The following SLC31A1 variants were observed in gnomAD, a reference collection of about 807,000 sequenced individuals.
The protein encoded by SLC31A1 is solute carrier family 31 member 1.
SLC31A1 carries 5 observed loss-of-function variants against 17.2 expected under a neutral mutation model. The ratio of observed to expected loss-of-function variants is 0.29; its 90% CI spans 0.15 to 0.61. The LOEUF is 0.61. Among genes scored for constraint, SLC31A1 ranks in the 20% least tolerant of loss-of-function variants. The pLI is 0.86. For missense variants in SLC31A1, 161 were observed against 241.4 expected (o/e 0.67, Z 2.21); for synonymous variants, 76 against 78.8 (o/e 0.96, Z 0.19).
Position 113,253,958 on chromosome 9 carries a change from C to CTT in SLC31A1, c.-35-2138_-35-2137dup, listed in dbSNP as rs397967653. Among the ~76,000 whole-genome samples the CTT allele has an allele frequency of 6.7e-4, 74 of 110,394 alleles. 2 individuals carry two copies. The highest frequency in any genetic ancestry group is 1.9e-3 in the South Asian group (6 of 3,240). The allele number at this position is 110,394 out of a possible 152,430, so 72.4% of individuals were successfully genotyped here. A position where few individuals can be genotyped will look rare whatever the true frequency, so the allele number is the denominator to read the frequency against. ...TCTATATAAATTTCCTACCCACAGT[C>CTT]TTTTTTTTTTTTTTTTTTTGAGATA... On this transcript the variant is annotated intron_variant, in intron 1 of 4. Coordinates refer to ENST00000374212, the MANE Select transcript of SLC31A1 (RefSeq NM_001859.4).
At chr9:113,239,780 C>T (rs1295804631) in intron 1 of SLC31A1, among the ~76,000 whole-genome samples, 3 of 152,358 alleles carry the variant, frequency 2.0e-5, no homozygotes, top group Non-Finnish European at 4.4e-5. Context: ...GATGGGGTTT[C>T]ACCCCGTTGG....
At chr9:113,226,135 CAA>C (rs34302331) in intron 1 of SLC31A1, among the ~76,000 whole-genome samples, 10,352 of 119,880 alleles carry the variant, frequency 0.086, 415 homozygotes, top group African/African-American at 0.13. Flanking sequence ...GACTCCATCT[CAA>C]AAAAAAAAAA....
At chr9:113,249,351 T>C (rs1482841690) in intron 1 of SLC31A1, among the ~76,000 whole-genome samples, 3 of 150,638 alleles carry the variant, frequency 2.0e-5, no homozygotes, top group Non-Finnish European at 3.0e-5. Flanking sequence ...TTCTAATCTT[T>C]CTTTGTTTTT....
chr9:113,247,811 T>C (rs916244684), intron 1 of SLC31A1, among the ~76,000 whole-genome samples: 1 of 152,140 alleles, frequency 6.6e-6, no homozygotes, highest in Non-Finnish European at 1.5e-5. Context: ...TTCCTATATT[T>C]AATAGCATTC....
chr9:113,251,401 G>A (rs964516681), intron 1 of SLC31A1, among the ~76,000 whole-genome samples: 1 of 151,804 alleles, frequency 6.6e-6, no homozygotes, highest in Non-Finnish European at 1.5e-5. Flanking sequence ...TAGCCTGGGT[G>A]ACAGAGTGAG....
intron 2 of SLC31A1, chr9:113,256,604 G>A (rs1004800385): frequency 2.1e-5 from 6 of 280,852 alleles, no homozygotes; most frequent in Non-Finnish European, 4.1e-5. Context: ...GCTCATGCCT[G>A]TAATCCCAAC....
intron 1 of SLC31A1, among the ~76,000 whole-genome samples, chr9:113,241,216 T>C (rs1284638344): frequency 6.6e-6 from 1 of 152,070 alleles, no homozygotes; most frequent in Non-Finnish European, 1.5e-5. Flanking sequence ...TATCAGAAGT[T>C]GGGGGTGAAG....
At chr9:113,221,699 T>C in intron 1 of SLC31A1, 21 bp downstream of exon 1, 1 of 282,462 alleles carries the variant, frequency 3.5e-6, no homozygotes. Flanking sequence ...TCTCGGCCCC[T>C]CTTTCGCACC....
intron 1 of SLC31A1, among the ~76,000 whole-genome samples, chr9:113,249,303 A>T (rs1226489248): frequency 2.6e-5 from 4 of 151,024 alleles, no homozygotes; most frequent in East Asian, 4.0e-4. Flanking sequence ...ATTGGCAAAA[A>T]AAAAAAAAAA....
chr9:113,255,962 A>G, intron 1 of SLC31A1, 152 bp from the exon 2 acceptor site: 1 of 435,556 alleles, frequency 2.3e-6, no homozygotes, highest in Non-Finnish European at 3.8e-6. Flanking sequence ...GCAGGTCAAA[A>G]CTCCTGTACT....
chr9:113,244,094 T>A lies in SLC31A1; in HGVS notation c.-35-12020T>A, dbSNP rs10739392. ...CGCTTGAACCCAGGAGGCGGAGCTT[T>A]CAGTGAGCCGAGATCATACCACTGT... On this transcript the variant is annotated intron_variant, in intron 1 of 4. Coordinates refer to ENST00000374212, the MANE Select transcript of SLC31A1 (RefSeq NM_001859.4). Among the ~76,000 whole-genome samples the A allele has an allele frequency of 6.9e-3, 996 of 145,098 alleles. 81 individuals are homozygous for A. In the East Asian group the frequency reaches 0.18, roughly 27 times the overall value.
intron 1 of SLC31A1, among the ~76,000 whole-genome samples, chr9:113,254,792 G>A (rs936517925): frequency 5.3e-5 from 8 of 152,018 alleles, no homozygotes; most frequent in Non-Finnish European, 7.4e-5. Context: ...CCAGCTACTC[G>A]GCAAGCTGAG....
intron 1 of SLC31A1, among the ~76,000 whole-genome samples, chr9:113,241,124 G>T (rs1363625358): frequency 6.6e-6 from 1 of 152,024 alleles, no homozygotes; most frequent in African/African-American, 2.4e-5. Context: ...ATGTGAAGCG[G>T]AGTAGATTGA....
chr9:113,241,930 A>G (rs543082294), intron 1 of SLC31A1, among the ~76,000 whole-genome samples: 2 of 152,342 alleles, frequency 1.3e-5, no homozygotes, highest in East Asian at 1.9e-4. Flanking sequence ...GAAAGGCACA[A>G]TATACTATGG....
At chr9:113,239,864 G>A (rs1463784954) in intron 1 of SLC31A1, among the ~76,000 whole-genome samples, 4 of 152,352 alleles carry the variant, frequency 2.6e-5, no homozygotes, top group African/African-American at 7.2e-5. Flanking sequence ...GATTACAGGC[G>A]TGAGCCACCA....
At chr9:113,232,634 C>T (rs964876974) in intron 1 of SLC31A1, among the ~76,000 whole-genome samples, 2 of 150,386 alleles carry the variant, frequency 1.3e-5, no homozygotes. Flanking sequence ...GAGTTTGAGA[C>T]CAGCCTGGCC....
In SLC31A1 at chr9:113,263,255, GGATAGA is replaced by G. The variant is rs377531557; in HGVS notation, c.*2787_*2792del. 3 of 152,324 alleles carry G rather than the reference GGATAGA, an allele frequency of 2.0e-5. No homozygotes were observed. Among genetic ancestry groups the G allele is most frequent in the Non-Finnish European group, 2.9e-5 (2 of 68,034 alleles). The allele number at this position is 152,324 out of a possible 1,614,324, so 9.4% of individuals were successfully genotyped here. ...TTTAGATTAGGTCTTCAGGTATTCAGGATAGAGATAATCTCCTGAAAAACCTGAATT... is the reference window on the plus strand; with the variant it reads ...TTTAGATTAGGTCTTCAGGTATTCAGGATAATCTCCTGAAAAACCTGAATT... On this transcript the variant is annotated 3_prime_UTR_variant, in exon 5 of 5. Transcript: ENST00000374212.
intron 1 of SLC31A1, among the ~76,000 whole-genome samples, chr9:113,241,901 T>C (rs1831525278): frequency 1.3e-5 from 2 of 152,200 alleles, no homozygotes; most frequent in African/African-American, 4.8e-5. Context: ...TGAGACCTAG[T>C]TCCAGTTAGA....
chr9:113,224,267 G>A (rs1004899527), intron 1 of SLC31A1, among the ~76,000 whole-genome samples: 1 of 152,126 alleles, frequency 6.6e-6, no homozygotes. Context: ...CTAGCCCCTG[G>A]CCTACGTTAT....
Sources: allele counts gnomAD v4.1 joint callset (sites outside exome capture counted in the v4.1 genomes callset), GRCh38; gene constraint gnomAD v4.1.1; transcripts MANE v1.5; gene names NCBI Gene and HGNC (gene_info 2026-07-23, HGNC 2026-07-21).